The following THSD7A variants were observed in gnomAD, a reference collection of about 807,000 sequenced individuals.
THSD7A encodes the protein thrombospondin type 1 domain containing 7A.
In THSD7A, 96 loss-of-function variants were observed where a neutral mutation model predicts 231.3. The ratio of observed to expected loss-of-function variants is 0.41; its 90% confidence interval spans 0.35 to 0.49. The LOEUF (loss-of-function observed/expected upper bound fraction) is 0.49. Among genes scored for constraint, THSD7A ranks in the 20% least tolerant of loss-of-function variants. The probability of loss-of-function intolerance (pLI) is 0.05; values close to 1 mark genes in which losing one functional copy is unlikely to be tolerated. For synonymous variants in THSD7A, 940 were observed against 743.3 expected (o/e 1.26, Z -4.30); for missense variants, 2,290 against 2,070.2 (o/e 1.11, Z -2.06).
chr7:11,584,586 G>A (rs1457866098), intron 4 of THSD7A, among the ~76,000 whole-genome samples: 2 of 152,104 alleles, frequency 1.3e-5, no homozygotes, highest in African/African-American at 4.8e-5. Flanking sequence ...ATAAAGTTAA[G>A]TAATGTGCCT....
intron 1 of THSD7A, among the ~76,000 whole-genome samples, chr7:11,789,963 G>A (rs1051319329): frequency 4.6e-5 from 7 of 151,748 alleles, no homozygotes; most frequent in African/African-American, 9.7e-5. Flanking sequence ...GTAATTTTGT[G>A]TACTTGTTTA....
chr7:11,746,997 C>A (rs7788213), intron 1 of THSD7A, among the ~76,000 whole-genome samples: 25,408 of 151,758 alleles, frequency 0.17, 2,485 homozygotes, highest in South Asian at 0.27. Flanking sequence ...ATCCACATTA[C>A]AAAGTAATAT....
chr7:11,619,107 C>A (rs868789511), intron 2 of THSD7A, among the ~76,000 whole-genome samples: 2 of 151,648 alleles, frequency 1.3e-5, no homozygotes, highest in Middle Eastern at 6.5e-3. Context: ...TTATATCTAA[C>A]CTAGAGGACA....
At chr7:11,386,614 T>C (rs1782753358) in intron 23 of THSD7A, among the ~76,000 whole-genome samples, 2 of 152,250 alleles carry the variant, frequency 1.3e-5, no homozygotes, top group South Asian at 2.1e-4. Context: ...ATATTAGCCC[T>C]TTGTCAGATG....
intron 2 of THSD7A, among the ~76,000 whole-genome samples, chr7:11,622,329 T>C (rs1407692269): frequency 6.6e-6 from 1 of 152,080 alleles, no homozygotes; most frequent in Non-Finnish European, 1.5e-5. Flanking sequence ...CAATTATCTT[T>C]ACCATCTAAT....
intron 1 of THSD7A, among the ~76,000 whole-genome samples, chr7:11,776,616 A>G (rs1783414305): frequency 1.3e-5 from 2 of 152,174 alleles, no homozygotes; most frequent in Admixed American, 6.5e-5. Context: ...GCTGTGTTTT[A>G]TAAAACTTGA....
At chr7:11,822,960 A>G (rs1328646437) in intron 1 of THSD7A, among the ~76,000 whole-genome samples, 2 of 152,010 alleles carry the variant, frequency 1.3e-5, no homozygotes, top group Admixed American at 6.5e-5. Context: ...AGTTTAATCA[A>G]GTTTCATTTG....
chr7:11,461,778 G>A (rs142637565), intron 10 of THSD7A, among the ~76,000 whole-genome samples: 1 of 152,112 alleles, frequency 6.6e-6, no homozygotes, highest in Non-Finnish European at 1.5e-5. Flanking sequence ...CAAACTACTG[G>A]AGCTAACACG....
chr7:11,452,072 G>A (rs1785164696), intron 11 of THSD7A, among the ~76,000 whole-genome samples: 1 of 151,934 alleles, frequency 6.6e-6, no homozygotes, highest in African/African-American at 2.4e-5. Context: ...AGAGCTCTGT[G>A]ACCTTATTAT....
chr7:11,649,375 A>G (rs1782407756), intron 1 of THSD7A, among the ~76,000 whole-genome samples: 1 of 152,074 alleles, frequency 6.6e-6, no homozygotes, highest in African/African-American at 2.4e-5. Flanking sequence ...TTTCTGATGC[A>G]AAGCAACTAT....
chr7:11,699,281 G>A (rs201084234), intron 1 of THSD7A, among the ~76,000 whole-genome samples: 1 of 151,194 alleles, frequency 6.6e-6, no homozygotes, highest in African/African-American at 2.4e-5. Flanking sequence ...GTATATAAAT[G>A]TATTTTAAAG....
intron 1 of THSD7A, among the ~76,000 whole-genome samples, chr7:11,653,151 A>G (rs1204546428): frequency 6.6e-6 from 1 of 151,784 alleles, no homozygotes; most frequent in African/African-American, 2.4e-5. Context: ...AACTACCATT[A>G]TTTCAATAGT....
intron 6 of THSD7A, among the ~76,000 whole-genome samples, chr7:11,528,480 T>C (rs1434623476): frequency 6.6e-6 from 1 of 152,112 alleles, no homozygotes; most frequent in African/African-American, 2.4e-5. Flanking sequence ...ATTTAGGGGA[T>C]TTCTTTTCCT....
chr7:11,695,476 A>G (rs1170297465), intron 1 of THSD7A, among the ~76,000 whole-genome samples: 1 of 151,488 alleles, frequency 6.6e-6, no homozygotes, highest in Admixed American at 6.6e-5. Flanking sequence ...TGACTTCCAT[A>G]TAGTGTCAGT....
intron 13 of THSD7A, among the ~76,000 whole-genome samples, chr7:11,432,888 G>A (rs1437338498): frequency 4.0e-5 from 6 of 151,826 alleles, no homozygotes; most frequent in Non-Finnish European, 7.4e-5. Flanking sequence ...TGTAAATGAA[G>A]TATAAAATAA....
intron 1 of THSD7A, among the ~76,000 whole-genome samples, chr7:11,667,647 T>C (rs947006727): frequency 1.3e-5 from 2 of 152,138 alleles, no homozygotes; most frequent in Non-Finnish European, 2.9e-5. Flanking sequence ...GGAGAGGTTC[T>C]TTTTGGGCCC....
intron 1 of THSD7A, among the ~76,000 whole-genome samples, chr7:11,645,868 T>C (rs1032267318): frequency 3.3e-5 from 5 of 151,898 alleles, no homozygotes; most frequent in African/African-American, 1.2e-4. Flanking sequence ...TATAAAGCCA[T>C]CAACCACTCA....
chr7:11,831,803 C>T lies in THSD7A; in HGVS notation c.144G>A (p.Ala48=), dbSNP rs768761903. ...LLLRPGAGRA[A]AQGEAEAPTL... is the part of the protein sequence containing the mutation. ...TGGGCGCCTCCGCCTCGCCCTGCGC[C>T]GCAGCCCTGCCGGCGCCCGGGCGTA... Residue 48 remains alanine (A), a synonymous_variant, in exon 1 of 28, where the codon GCG becomes GCA. Coordinates refer to ENST00000423059, the MANE Select transcript of THSD7A (RefSeq NM_015204.3). The surrounding 1 kb of genome is among the most constrained non-coding windows in gnomAD (Gnocchi z 5.0). 110 of 1,461,238 alleles carry T rather than the reference C, an allele frequency of 7.5e-5. No individual in the cohort carries two copies. The highest frequency in any genetic ancestry group is 9.2e-5 in the Non-Finnish European group (102 of 1,103,128). The allele number at this position is 1,461,238 out of a possible 1,614,324, so 90.5% of individuals were successfully genotyped here.
intron 4 of THSD7A, among the ~76,000 whole-genome samples, chr7:11,579,347 C>A (rs988144844): frequency 2.0e-5 from 3 of 152,162 alleles, no homozygotes; most frequent in Admixed American, 6.6e-5. Context: ...TCTTTTACAT[C>A]TTTAGATAGC....
Sources: gnomAD v4.1 joint callset for allele counts (sites outside exome capture counted in the v4.1 genomes callset) on GRCh38, gnomAD v4.1.1 for gene constraint, Gnocchi (gnomAD v3.1) non-coding constraint, MANE v1.5 for transcripts, NCBI Gene and HGNC (gene_info 2026-07-23, HGNC 2026-07-21) for gene names.